The following URB2 variants were observed in gnomAD, a reference collection of about 807,000 sequenced individuals.
URB2 encodes the protein URB2 ribosome biogenesis homolog.
A neutral mutation model predicts 120.9 loss-of-function variants in URB2; 86 were observed. That is an observed-to-expected ratio of 0.71 (90% CI 0.60 to 0.85). The LOEUF (loss-of-function observed/expected upper bound fraction) is 0.85, where lower values mean the gene tolerates loss of function less well. Among genes scored for constraint, URB2 ranks in the 40% least tolerant of loss-of-function variants. URB2 has a pLI of 0.00. For synonymous variants in URB2, 755 were observed against 758.4 expected (o/e 1.00, Z 0.07); for missense variants, 1,765 against 1,836.5 (o/e 0.96, Z 0.71).
At chr1:229,653,945 T>TG (rs1666342337) in intron 8 of URB2, among the ~76,000 whole-genome samples, 1 of 150,192 alleles carries the variant, frequency 6.7e-6, no homozygotes, top group African/African-American at 2.4e-5. Flanking sequence ...TGTTTTTTTT[T>TG]TTTTTTTTTT....
chr1:229,644,272 TTGG>T (rs1381277889), intron 5 of URB2, among the ~76,000 whole-genome samples: 1 of 152,206 alleles, frequency 6.6e-6, no homozygotes, highest in African/African-American at 2.4e-5. Flanking sequence ...GAGCCAATGG[TTGG>T]TGGGGCAGAG....
chr1:229,641,666 T>G (rs1374613568), intron 4 of URB2, among the ~76,000 whole-genome samples: 1 of 152,196 alleles, frequency 6.6e-6, no homozygotes, highest in East Asian at 1.9e-4. Context: ...TGGGCTTTTG[T>G]AAAGAATGCC....
At chr1:229,653,265 AAG>A (rs1666323975) in intron 8 of URB2, among the ~76,000 whole-genome samples, 1 of 152,252 alleles carries the variant, frequency 6.6e-6, no homozygotes. Context: ...GTCTTCAAAA[AAG>A]ATATGCCTTC....
At chr1:229,645,099 A>G (rs1186741417) in intron 5 of URB2, among the ~76,000 whole-genome samples, 1 of 152,126 alleles carries the variant, frequency 6.6e-6, no homozygotes, top group Non-Finnish European at 1.5e-5. Flanking sequence ...CACCTGGCCA[A>G]CATAGTGAAA....
chr1:229,657,575 C>T (rs1666433288), intron 9 of URB2, among the ~76,000 whole-genome samples: 1 of 152,210 alleles, frequency 6.6e-6, no homozygotes, highest in Non-Finnish European at 1.5e-5. Context: ...ACAAAGCCCT[C>T]ACCCTGCCAG....
At chr1:229,647,393 A>T in intron 6 of URB2, 117 bp from the exon 7 acceptor site, 1 of 1,293,824 alleles carries the variant, frequency 7.7e-7, no homozygotes, top group Non-Finnish European at 1.1e-6. Context: ...CCCACGGACC[A>T]CATCAATTCA....
At chr1:229,648,290 G>A (rs561146858) in intron 7 of URB2, among the ~76,000 whole-genome samples, 11 of 152,158 alleles carry the variant, frequency 7.2e-5, no homozygotes, top group African/African-American at 2.2e-4. Flanking sequence ...CAAATATTCC[G>A]AAATCTGAAA....
At position 229,647,725 on chromosome 1, in the gene URB2, C is replaced by T. The variant is rs1666186564; in HGVS notation, c.4122C>T (p.Leu1374=). The change falls in exon 7 of 10, where the codon CTC becomes CTT. Residue 1374 remains leucine (L), a synonymous_variant. Coordinates refer to ENST00000258243, the MANE Select transcript of URB2 (RefSeq NM_014777.4). ...TCTTCCCGAGGCTGCACAACGTGCT[C>T]TTCTCAATCCTGCAGTGTCACCCTA... ...GSVFPRLHNV[L]FSILQCHPKV... 2.5e-6 allele frequency: 4 copies of T among 1,613,938 alleles called. No homozygotes were observed. The East Asian group carries it at 8.9e-5, about 36-fold the overall frequency.
At chr1:229,657,583 C>CA (rs1196725285) in intron 9 of URB2, among the ~76,000 whole-genome samples, 1 of 152,172 alleles carries the variant, frequency 6.6e-6, no homozygotes, top group Non-Finnish European at 1.5e-5. Context: ...CTCACCCTGC[C>CA]AGTATGATCA....
At position 229,636,168 on chromosome 1, in the gene URB2, G is replaced by C. The variant is rs1439634843; in HGVS notation, c.1555G>C (p.Glu519Gln). The C allele has an allele frequency of 6.2e-7, 1 of 1,614,128 alleles. No homozygotes were observed. Among genetic ancestry groups the C allele is most frequent in the Non-Finnish European group, 8.5e-7 (1 of 1,180,044 alleles). Residue 519 changes from glutamate to glutamine, a missense_variant, in exon 4 of 10, where the codon GAG becomes CAG. Glu to Gln is a conservative substitution (Grantham distance 29, BLOSUM62 2). Coordinates refer to ENST00000258243, the MANE Select transcript of URB2 (RefSeq NM_014777.4). ...CCTGGACACGTGGTCCCTTGTGCTG[G>C]AGAAGTTCCAGTCTTTAGTCTTGCC... ...QILDTWSLVL[E>Q]KFQSLVLPYL...
chr1:229,636,346 A>G lies in URB2; in HGVS notation c.1733A>G (p.Glu578Gly). The change falls in exon 4 of 10, where the codon GAG becomes GGG. Residue 578 changes from glutamate (E) to glycine (G), a missense_variant. By Grantham distance (98) the Glu-to-Gly change is moderately conservative. Coordinates refer to ENST00000258243, the MANE Select transcript of URB2 (RefSeq NM_014777.4). ...TGCATGATGGAGAGGATGATGAGGG[A>G]GCTCGTGCAGCCCCTGCTGGCCCTT... ...TQCMMERMMR[E>G]LVQPLLALLP... 1 of 1,614,182 alleles carries G rather than the reference A, an allele frequency of 6.2e-7. No individual in the cohort carries two copies. The highest frequency in any genetic ancestry group is 8.5e-7 in the Non-Finnish European group (1 of 1,180,010).
chr1:229,658,166 C>T (rs1666447365), intron 9 of URB2, among the ~76,000 whole-genome samples: 1 of 152,188 alleles, frequency 6.6e-6, no homozygotes, highest in Non-Finnish European at 1.5e-5. Context: ...ATTACTACTG[C>T]TTTTTAGTTT....
chr1:229,627,350 A>T (rs967895319), intron 1 of URB2, among the ~76,000 whole-genome samples: 6 of 152,146 alleles, frequency 3.9e-5, no homozygotes, highest in African/African-American at 1.4e-4. Flanking sequence ...TGTGGAAGTG[A>T]TGTTTGATCA....
chr1:229,635,254 G>C lies in URB2; in HGVS notation c.641G>C (p.Gly214Ala). 1 of 1,614,222 alleles carries C rather than the reference G, an allele frequency of 6.2e-7. No homozygotes were observed. The highest frequency in any genetic ancestry group is 8.5e-7 in the Non-Finnish European group (1 of 1,180,050). ...CTGGTCCTGAGGCACTTACTCTCTG[G>C]GGGCACATGGACGCAGGCTGGCCAG... Reference protein sequence around the residue: ...PCLVLRHLLSGGTWTQAGQGQ... With the variant: ...PCLVLRHLLSAGTWTQAGQGQ... The change falls in exon 4 of 10, where the codon GGG becomes GCG. Residue 214 changes from glycine (G) to alanine (A), a missense_variant. Transcript: ENST00000258243.
Position 229,637,718 on chromosome 1 carries a change from A to G in URB2, c.3105A>G (p.Pro1035=), listed in dbSNP as rs1189920897. The change falls in exon 4 of 10, where the codon CCA becomes CCG. Residue 1035 remains proline, a synonymous_variant. Coordinates refer to ENST00000258243, the MANE Select transcript of URB2 (RefSeq NM_014777.4). Reference sequence around the variant, plus strand: ...CCGCATTCCTCTCTAGTTCCAAACCATACACGGAGGCAGCTTCAAGCAAAC... The same window carrying G: ...CCGCATTCCTCTCTAGTTCCAAACCGTACACGGAGGCAGCTTCAAGCAAAC... ...KITAFLSSSK[P]YTEAASSKQL... is the part of the protein sequence containing the mutation. 2 of 1,614,084 alleles carry G rather than the reference A, an allele frequency of 1.2e-6. No individual in the cohort carries two copies. Among genetic ancestry groups the G allele is most frequent in the Non-Finnish European group, 1.7e-6 (2 of 1,180,050 alleles).
In URB2 at chr1:229,637,308, G is replaced by A; in HGVS notation, c.2695G>A (p.Glu899Lys). 1 of 1,614,194 alleles carries A rather than the reference G, an allele frequency of 6.2e-7. No individual in the cohort carries two copies. Among genetic ancestry groups the A allele is most frequent in the Non-Finnish European group, 8.5e-7 (1 of 1,180,034 alleles). Residue 899 changes from glutamate to lysine, a missense_variant, in exon 4 of 10, where the codon GAA becomes AAA. Coordinates refer to ENST00000258243, the MANE Select transcript of URB2 (RefSeq NM_014777.4). ...GTTGGAAAGCATCCTGGGGCTTTTGGAAGTGATTTCTGCCTTACAGCTGGA... is the reference window on the plus strand; with the variant it reads ...GTTGGAAAGCATCCTGGGGCTTTTGAAAGTGATTTCTGCCTTACAGCTGGA... ...EQLESILGLL[E>K]VISALQLDSL... is the part of the protein sequence containing the mutation.
chr1:229,628,307 A>G (rs1665583992), intron 2 of URB2, among the ~76,000 whole-genome samples: 1 of 113,876 alleles, frequency 8.8e-6, no homozygotes, highest in African/African-American at 3.5e-5. Flanking sequence ...TGTAGTCCTT[A>G]CTACTTGGGA....
rs1665806412 is a variant in URB2, at chr1:229,636,127, T to C, written c.1514T>C (p.Leu505Pro). The C allele has an allele frequency of 6.2e-7, 1 of 1,614,258 alleles. No individual in the cohort carries two copies. Among genetic ancestry groups the C allele is most frequent in the Non-Finnish European group, 8.5e-7 (1 of 1,180,048 alleles). The change falls in exon 4 of 10, where the codon CTG becomes CCG. Residue 505 changes from leucine (L) to proline (P), a missense_variant. By Grantham distance (98) the Leu-to-Pro change is moderately conservative. Coordinates refer to ENST00000258243, the MANE Select transcript of URB2 (RefSeq NM_014777.4). ...STVLSACLLELPPSQILDTWS... is the reference protein window; with the variant it reads ...STVLSACLLEPPPSQILDTWS... ...GTACTCTCTGCATGCCTCCTGGAGC[T>C]GCCTCCAAGTCAGATCCTGGACACG...
intron 4 of URB2, among the ~76,000 whole-genome samples, chr1:229,642,162 G>A (rs1479988065): frequency 6.6e-6 from 1 of 152,186 alleles, no homozygotes. Flanking sequence ...GCCATAAAGC[G>A]AACCAGAGCG....
Sources: gnomAD v4.1 joint callset for allele counts (sites outside exome capture counted in the v4.1 genomes callset) on GRCh38, gnomAD v4.1.1 for gene constraint, MANE v1.5 for transcripts, NCBI Gene and HGNC (gene_info 2026-07-23, HGNC 2026-07-21) for gene names.